Variants in OR8B2 observed in about 807,000 individuals in gnomAD.
The protein encoded by OR8B2 is olfactory receptor family 8 subfamily B member 2.
For synonymous variants in OR8B2, 98 were observed against 138.2 expected (o/e 0.71, Z 2.04); for missense variants, 304 against 379.6 (o/e 0.80, Z 1.65).
At chr11:124,396,359 C>T in the OR8B2 span, 3 of 1,468,218 alleles carry the variant, frequency 2.0e-6, no homozygotes, top group Non-Finnish European at 2.8e-6. Context: ...ATGGAACACA[C>T]TAATAAAAAT....
At chr11:124,396,144 A>G in the OR8B2 span, 1 of 350,952 alleles carries the variant, frequency 2.8e-6, no homozygotes, top group Non-Finnish European at 5.1e-6. Context: ...ACAGCCCAGG[A>G]GAGAGGAAGG....
upstream of OR8B2, among the ~76,000 whole-genome samples, chr11:124,385,876 T>G (rs1860692274): frequency 6.6e-6 from 1 of 152,152 alleles, no homozygotes; most frequent in East Asian, 1.9e-4. Context: ...CAAGAAACCC[T>G]CCTGCCTCAG....
the OR8B2 span, chr11:124,396,064 T>A: frequency 6.0e-5 from 11 of 184,600 alleles, no homozygotes; most frequent in African/African-American, 2.4e-4. Context: ...CACTTCTGAG[T>A]TTAGGTGAGA....
the OR8B2 span, among the ~76,000 whole-genome samples, chr11:124,389,587 A>G: frequency 6.6e-6 from 1 of 152,164 alleles, no homozygotes; most frequent in Non-Finnish European, 1.5e-5. Flanking sequence ...GTTTTTGAAA[A>G]GGAGCCCCCC....
chr11:124,396,979 C>G, the OR8B2 span: 3 of 1,613,528 alleles, frequency 1.9e-6, no homozygotes, highest in South Asian at 1.1e-5. Context: ...TTACAGATGG[C>G]CACATAGCGA....
rs1860661854 is a variant in OR8B2 at position 124,384,485 on chromosome 11, G to T, written c.-129C>A. On this transcript the variant is annotated 5_prime_UTR_variant, in exon 1 of 2. Transcript: ENST00000641451. ...TCTACGTTGACCACATGTAGTCAAAGAATCTTCTTCTCCCTTACCTGGCAA... is the reference window on the plus strand; with the variant it reads ...TCTACGTTGACCACATGTAGTCAAATAATCTTCTTCTCCCTTACCTGGCAA... 1 of 152,176 alleles carries T rather than the reference G, an allele frequency of 6.6e-6. No individual in the cohort carries two copies. The highest frequency in any genetic ancestry group is 1.5e-5 in the Non-Finnish European group (1 of 68,024). The allele number at this position is 152,176 out of a possible 1,614,324, so 9.4% of individuals were successfully genotyped here.
the OR8B2 span, among the ~76,000 whole-genome samples, chr11:124,392,433 A>T: frequency 9.6e-6 from 1 of 104,438 alleles, no homozygotes; most frequent in Non-Finnish European, 1.8e-5. Context: ...TACAAAATCA[A>T]TGTACAAAAA....
At chr11:124,388,307 G>A (rs1439318487), upstream of OR8B2, among the ~76,000 whole-genome samples, 2 of 149,228 alleles carry the variant, frequency 1.3e-5, no homozygotes, top group Non-Finnish European at 3.0e-5. Context: ...TTGAATAGGA[G>A]TGGTGAGAGA....
chr11:124,396,665 T>C, the OR8B2 span: 1 of 1,612,558 alleles, frequency 6.2e-7, no homozygotes, highest in African/African-American at 1.3e-5. Context: ...CTTGAGTGGA[T>C]TTGATATGAA....
the OR8B2 span, among the ~76,000 whole-genome samples, chr11:124,389,639 A>T: frequency 6.6e-6 from 1 of 152,188 alleles, no homozygotes; most frequent in South Asian, 2.1e-4. Flanking sequence ...ATAAAAATTG[A>T]TTGTTAAAAA....
chr11:124,391,546 T>C, the OR8B2 span, among the ~76,000 whole-genome samples: 4 of 151,774 alleles, frequency 2.6e-5, no homozygotes, highest in African/African-American at 9.7e-5. Context: ...ACGCATACAC[T>C]CTCCCAAGAC....
At chr11:124,393,986 T>G in the OR8B2 span, among the ~76,000 whole-genome samples, 2 of 150,990 alleles carry the variant, frequency 1.3e-5, no homozygotes, top group Non-Finnish European at 1.5e-5. Context: ...ATCATCATTC[T>G]CAGTAAACTA....
upstream of OR8B2, among the ~76,000 whole-genome samples, chr11:124,385,492 G>A (rs1357256562): frequency 2.3e-4 from 1 of 4,390 alleles, no homozygotes; most frequent in Non-Finnish European, 5.4e-4. Context: ...TTTAACATGC[G>A]TGTGTGTGTG....
At position 124,383,176 on chromosome 11, in the gene OR8B2, G is replaced by A. The variant is rs780672088; in HGVS notation, c.168C>T (p.His56=). Reference sequence around the variant, plus strand: ...TGAAGAGGAAATAGTACATTGGTGTGTGGAGGTGAGAATTTAGACCGAAAA... The same window carrying A: ...TGAAGAGGAAATAGTACATTGGTGTATGGAGGTGAGAATTTAGACCGAAAA... The part of the protein sequence containing the change: ...ITLFGLNSHL[H]TPMYYFLFNL... Residue 56 remains histidine, a synonymous_variant, in exon 2 of 2, where the codon CAC becomes CAT. Transcript: ENST00000641451. 4.3e-6 allele frequency: 7 copies of A among 1,613,966 alleles called. No homozygotes were observed. Among genetic ancestry groups the A allele is most frequent in the Non-Finnish European group, 5.9e-6 (7 of 1,179,858 alleles).
chr11:124,396,760 C>G, the OR8B2 span: 1 of 1,613,842 alleles, frequency 6.2e-7, no homozygotes, highest in Non-Finnish European at 8.5e-7. Context: ...ATGAGAACAA[C>G]CACCTCGTTG....
chr11:124,384,765 G>C (rs1175499322), upstream of OR8B2, among the ~76,000 whole-genome samples: 1 of 152,160 alleles, frequency 6.6e-6, no homozygotes, highest in Admixed American at 6.5e-5. Context: ...TTATATGCCT[G>C]TGTTTACAGC....
upstream of OR8B2, among the ~76,000 whole-genome samples, chr11:124,387,730 T>G (rs1276260625): frequency 6.9e-6 from 1 of 143,966 alleles, no homozygotes; most frequent in African/African-American, 2.6e-5. Context: ...TAGGGTTGAC[T>G]TGGTGATGCG....
At chr11:124,396,920 G>A in the OR8B2 span, 1 of 1,605,728 alleles carries the variant, frequency 6.2e-7, no homozygotes, top group Non-Finnish European at 8.5e-7. Flanking sequence ...CAGCAAAAGT[G>A]AGCATAGAAC....
chr11:124,393,951 T>C, the OR8B2 span, among the ~76,000 whole-genome samples: 2 of 151,160 alleles, frequency 1.3e-5, no homozygotes, highest in Admixed American at 1.3e-4. Context: ...TCATGTCCTT[T>C]GTAGGGACAT....
Sources: gnomAD v4.1 joint callset for allele counts (sites outside exome capture counted in the v4.1 genomes callset) on GRCh38, gnomAD v4.1.1 for gene constraint, MANE v1.5 for transcripts, NCBI Gene and HGNC (gene_info 2026-07-23, HGNC 2026-07-21) for gene names.